Variants in CORO7 observed in about 807,000 individuals in gnomAD.
The protein encoded by CORO7 is coronin-7.
In CORO7, 107 loss-of-function variants were observed where a neutral mutation model predicts 126.6. The observed-to-expected ratio is 0.85, with a 90% CI of 0.72 to 0.99. The LOEUF (loss-of-function observed/expected upper bound fraction) is 0.99. Among genes scored for constraint, CORO7 ranks in the 50% least tolerant of loss-of-function variants. The pLI is 0.00. For missense variants in CORO7, 1,314 were observed against 1,255.8 expected (o/e 1.05, Z -0.70); for synonymous variants, 603 against 536.8 (o/e 1.12, Z -1.70).
intron 9 of CORO7, among the ~76,000 whole-genome samples, chr16:4,367,767 C>A (rs1385251770): frequency 6.6e-6 from 1 of 152,092 alleles, no homozygotes; most frequent in Admixed American, 6.6e-5. Flanking sequence ...GCCTGACAGC[C>A]TGGACAGTGT....
chr16:4,403,624 C>T (rs1413644547), intron 6 of CORO7, among the ~76,000 whole-genome samples: 1 of 152,192 alleles, frequency 6.6e-6, no homozygotes, highest in African/African-American at 2.4e-5. Flanking sequence ...TCCTATGACT[C>T]TTCCTGCAAG....
Position 4,362,208 on chromosome 16 carries a change from G to A in CORO7, c.1403-48C>T, listed in dbSNP as rs370011541. On this transcript the variant is annotated intron_variant, in intron 15 of 27. Coordinates refer to ENST00000251166, the MANE Select transcript of CORO7 (RefSeq NM_024535.5). The surrounding 1 kb of genome is among the most constrained non-coding windows in gnomAD (Gnocchi z 5.3). ...AACCACGTGTGAGGATGCCGTCCCC[G>A]CCCGCCCTGCACTCTTTGAGTCCCG... The A allele has an allele frequency of 1.9e-5, 30 of 1,569,786 alleles. No individual in the cohort carries two copies. In the East Asian group the frequency reaches 2.0e-4, roughly 11 times the overall value.
chr16:4,377,063 G>C (rs968276678), intron 9 of CORO7, among the ~76,000 whole-genome samples: 3 of 152,186 alleles, frequency 2.0e-5, no homozygotes, highest in Non-Finnish European at 1.5e-5. Flanking sequence ...CTGCACAATG[G>C]GGGCTGAGGT....
rs1166219346 is a variant in CORO7, at chr16:4,359,492, G to A, written c.2238C>T (p.Leu746=). 6.2e-7 allele frequency: 1 copy of A among 1,613,458 alleles called. No homozygotes were observed. Among genetic ancestry groups the A allele is most frequent in the Admixed American group, 1.7e-5 (1 of 60,018 alleles). ...CAGCCCAGCCCACCTTGCCGGTCAG[G>A]AGCACCAGGCCAGTGTCTGGGTCGT... The part of the protein sequence containing the change: ...PSYDPDTGLV[L]LTGKGDTRVF... Residue 746 remains leucine, a synonymous_variant, in exon 22 of 28, where the codon CTC becomes CTT. Transcript: ENST00000251166.
intron 7 of CORO7, among the ~76,000 whole-genome samples, chr16:4,392,483 A>C (rs1275240558): frequency 6.6e-6 from 1 of 152,232 alleles, no homozygotes; most frequent in East Asian, 1.9e-4. Flanking sequence ...TCCCCTGCTC[A>C]AAGCTCACGC....
chr16:4,374,680 C>G lies in CORO7; in HGVS notation c.786-9135G>C, dbSNP rs529834867. On this transcript the variant is annotated intron_variant, in intron 9 of 27. Coordinates refer to ENST00000251166, the MANE Select transcript of CORO7 (RefSeq NM_024535.5). ...TCCTGTTCTGCCTCCCTGAATCCAT[C>G]CCGCCTGCCCATTGATCAGCTCACA... 3.3e-5 allele frequency among the ~76,000 whole-genome samples: 5 copies of G among 152,326 alleles called. No homozygotes were observed. The East Asian group carries it at 9.6e-4, about 29-fold the overall frequency.
Position 4,355,045 on chromosome 16 carries a change from G to A in CORO7, c.*113C>T. On this transcript the variant is annotated 3_prime_UTR_variant, in exon 28 of 28. Transcript: ENST00000251166. ...GAAGTGCCCACGGGAAGGCAGGAGT[G>A]CAGGGGTGACATGTGCCGGGGCCAG... 1 of 1,233,720 alleles carries A rather than the reference G, an allele frequency of 8.1e-7. No individual in the cohort carries two copies. The highest frequency in any genetic ancestry group is 1.1e-6 in the Non-Finnish European group (1 of 914,450). The allele number at this position is 1,233,720 out of a possible 1,614,324, so 76.4% of individuals were successfully genotyped here. A position where few individuals can be genotyped will look rare whatever the true frequency, so the allele number is the denominator to read the frequency against.
chr16:4,357,426 A>C, intron 25 of CORO7, 167 bp from the exon 26 acceptor site: 1 of 672,526 alleles, frequency 1.5e-6, no homozygotes, highest in South Asian at 2.1e-5. Context: ...GATGTGACCT[A>C]GGCTGACTGC....
intron 5 of CORO7, 150 bp downstream of exon 5, chr16:4,407,351 G>T: frequency 1.1e-6 from 1 of 872,330 alleles, no homozygotes; most frequent in Non-Finnish European, 1.7e-6. Flanking sequence ...GTTTATTACA[G>T]CCTCATAGAA....
chr16:4,365,615 G>A (rs1385017389), intron 9 of CORO7, 70 bp from the exon 10 acceptor site: 2 of 1,544,814 alleles, frequency 1.3e-6, no homozygotes, highest in Non-Finnish European at 1.8e-6. Flanking sequence ...CCCCATGTAG[G>A]AGCCCAGGAC....
At chr16:4,390,827 G>A (rs12103302) in intron 7 of CORO7, among the ~76,000 whole-genome samples, 5,076 of 152,330 alleles carry the variant, frequency 0.033, 284 homozygotes, top group African/African-American at 0.12. Flanking sequence ...TGGTGATGAG[G>A]CTTGCACAAA....
rs372806628 is a variant in CORO7 at position 4,360,466 on chromosome 16, C to A, written c.2000G>T (p.Arg667Leu). The change falls in exon 20 of 28, where the codon CGG (arginine) becomes CTG (leucine). Residue 667 changes from arginine to leucine, a missense_variant. Arg to Leu is a moderately radical substitution (Grantham distance 102). Coordinates refer to ENST00000251166, the MANE Select transcript of CORO7 (RefSeq NM_024535.5). ...CACCTGCAGGGGCTCAGGGCCACTC[C>A]GGGGCCTGTAGACCCGCACACGCCC... ...KDGRVRVYRPRSGPEPLQEGP... is the reference protein window; with the variant it reads ...KDGRVRVYRPLSGPEPLQEGP... The A allele has an allele frequency of 1.9e-6, 3 of 1,612,466 alleles. No homozygotes were observed. Among genetic ancestry groups the A allele is most frequent in the Non-Finnish European group, 8.5e-7 (1 of 1,179,714 alleles).
intron 9 of CORO7, among the ~76,000 whole-genome samples, chr16:4,376,830 C>T (rs1193880391): frequency 1.3e-5 from 2 of 152,196 alleles, no homozygotes; most frequent in Non-Finnish European, 2.9e-5. Context: ...CGCTCCCCAG[C>T]CCCCAGGGTG....
At chr16:4,395,056 G>A (rs1479163990) in intron 7 of CORO7, among the ~76,000 whole-genome samples, 1 of 152,188 alleles carries the variant, frequency 6.6e-6, no homozygotes, top group Non-Finnish European at 1.5e-5. Flanking sequence ...TGGAGAGCCT[G>A]GGGGAAGCTT....
rs543469726 is a variant in CORO7, at chr16:4,364,998, C to T, written c.898+5G>A. ...AGGGGATGGGGGCGAGGAAGCAAGGCTTACCTGGGCTCAGCGCCGGCTGCT... is the reference window on the plus strand; with the variant it reads ...AGGGGATGGGGGCGAGGAAGCAAGGTTTACCTGGGCTCAGCGCCGGCTGCT... On this transcript the variant is annotated splice_donor_5th_base_variant and intron_variant, in intron 11 of 27. Coordinates refer to ENST00000251166, the MANE Select transcript of CORO7 (RefSeq NM_024535.5). The T allele has an allele frequency of 1.9e-6, 3 of 1,605,826 alleles. No individual in the cohort carries two copies. In the South Asian group the frequency reaches 3.3e-5, roughly 18 times the overall value.
chr16:4,355,195 T>G, intron 27 of CORO7, 32 bp from the exon 28 acceptor site: 1 of 1,554,942 alleles, frequency 6.4e-7, no homozygotes. Context: ...TGGGAGGGAG[T>G]CAGGAGGGCC....
At chr16:4,415,726 A>T (rs2056383845) in intron 1 of CORO7, 1 of 985,350 alleles carries the variant, frequency 1.0e-6, no homozygotes, top group African/African-American at 1.7e-5. Context: ...AATAACACGG[A>T]AAGCGGAAGA....
rs749083139 is a variant in CORO7 at position 4,364,650 on chromosome 16, C to A, written c.1084G>T (p.Gly362Cys). 6.3e-7 allele frequency: 1 copy of A among 1,579,270 alleles called. No individual in the cohort carries two copies. Among genetic ancestry groups the A allele is most frequent in the East Asian group, 2.3e-5 (1 of 43,358 alleles). ...FHEDLFPDTA[G>C]CVPATDPHSW... The stretch of plus-strand genomic sequence containing the variant: ...TGGGGGTCGGTGGCAGGCACACAGC[C>A]GGCAGTGTCCGGGAACAGGTCCTCG... The change falls in exon 13 of 28, where the codon GGC (glycine) becomes TGC (cysteine). Residue 362 changes from glycine to cysteine, a missense_variant. Transcript: ENST00000251166.
At chr16:4,386,413 T>C (rs2055195689) in intron 9 of CORO7, among the ~76,000 whole-genome samples, 1 of 152,148 alleles carries the variant, frequency 6.6e-6, no homozygotes, top group Non-Finnish European at 1.5e-5. Flanking sequence ...TGGAAGTGAC[T>C]GGTGCCAGGT....
Sources: gnomAD v4.1 joint callset for allele counts (sites outside exome capture counted in the v4.1 genomes callset) on GRCh38, gnomAD v4.1.1 for gene constraint, Gnocchi (gnomAD v3.1) non-coding constraint, MANE v1.5 for transcripts, NCBI Gene and HGNC (gene_info 2026-07-23, HGNC 2026-07-21) for gene names.